SNX29: variants seen among roughly 807,000 people sequenced by gnomAD.
SNX29 encodes the protein sorting nexin-29.
SNX29 carries 78 observed loss-of-function variants against 102.1 expected under a neutral mutation model. The ratio of observed to expected loss-of-function variants is 0.76; its 90% CI spans 0.64 to 0.92. SNX29 has a LOEUF of 0.92. Ranked by LOEUF, SNX29 falls within the 40% of genes least tolerant of loss-of-function variation. SNX29 has a pLI of 0.00. For missense variants in SNX29, 1,280 were observed against 1,061.7 expected, an observed-to-expected ratio of 1.21 and a Z score of -2.86; for synonymous variants, 580 against 414.5, an observed-to-expected ratio of 1.40 and a Z score of -4.85.
chr16:12,561,806 C>G (rs898712057), intron 20 of SNX29, among the ~76,000 whole-genome samples: 1 of 152,158 alleles, frequency 6.6e-6, no homozygotes, highest in African/African-American at 2.4e-5. Flanking sequence ...GCAGGGGGCT[C>G]ATTACCGCAG....
At chr16:12,533,815 C>A (rs910166807) in intron 20 of SNX29, among the ~76,000 whole-genome samples, 1 of 152,188 alleles carries the variant, frequency 6.6e-6, no homozygotes, top group East Asian at 1.9e-4. Flanking sequence ...CAAAAGGGAT[C>A]AGCCACTCCT....
chr16:12,150,197 G>A (rs139856296), intron 13 of SNX29, among the ~76,000 whole-genome samples: 13 of 152,174 alleles, frequency 8.5e-5, no homozygotes, highest in South Asian at 2.1e-4. Flanking sequence ...GCATTGTGGA[G>A]AAGTGGATAG....
In SNX29 at chr16:12,572,314, A is replaced by G. The variant is rs1026597512; in HGVS notation, c.*3685A>G. The stretch of plus-strand genomic sequence containing the variant: ...GGCCAGTGATCACAATCCAGGTTGG[A>G]AACAGGAGTGAAGCCCACCAGCCTG... On this transcript the variant is annotated 3_prime_UTR_variant, in exon 21 of 21. Coordinates refer to ENST00000566228, the MANE Select transcript of SNX29 (RefSeq NM_032167.5). The G allele has an allele frequency of 1.9e-6, 2 of 1,062,450 alleles. No individual in the cohort carries two copies. The highest frequency in any genetic ancestry group is 1.1e-6 in the Non-Finnish European group (1 of 877,584). The allele number at this position is 1,062,450 out of a possible 1,614,324, so 65.8% of individuals were successfully genotyped here.
rs914280673 is a variant in SNX29, at chr16:12,553,463, G to A, written c.2319-15043G>A. Among the ~76,000 whole-genome samples, 13 of 152,292 alleles carry A rather than the reference G, an allele frequency of 8.5e-5. No individual in the cohort carries two copies. The South Asian group carries it at 2.3e-3, about 27-fold the overall frequency. On this transcript the variant is annotated intron_variant, in intron 20 of 20. Transcript: ENST00000566228. Reference sequence around the variant, plus strand: ...GCTGAGCATGGTGTAGACCAGCTCAGACCAGCCCCAGCTGCTTAGACCAGG... The same window carrying A: ...GCTGAGCATGGTGTAGACCAGCTCAAACCAGCCCCAGCTGCTTAGACCAGG...
intron 20 of SNX29, among the ~76,000 whole-genome samples, chr16:12,542,020 C>G (rs552846826): frequency 5.3e-5 from 8 of 151,930 alleles, no homozygotes; most frequent in African/African-American, 7.3e-5. Context: ...CAGCACCGCT[C>G]TGTTTTTTCT....
chr16:12,002,967 T>C (rs1417835284), intron 2 of SNX29, 24 bp from the exon 3 acceptor site: 3 of 1,614,164 alleles, frequency 1.9e-6, no homozygotes, highest in Non-Finnish European at 2.5e-6. Context: ...ACAGCTGATC[T>C]CAGCAGCTTC....
At chr16:12,323,013 C>T (rs369369439) in intron 15 of SNX29, among the ~76,000 whole-genome samples, 7 of 51,756 alleles carry the variant, frequency 1.4e-4, no homozygotes, top group African/African-American at 1.2e-3. Context: ...TGTCAGGATG[C>T]GGTCACTGGA....
chr16:12,013,488 G>GGAAAAAAA (rs781538940), intron 3 of SNX29, among the ~76,000 whole-genome samples: 6 of 12,976 alleles, frequency 4.6e-4, no homozygotes, highest in African/African-American at 7.7e-4. Flanking sequence ...TCTACTGGGG[G>GGAAAAAAA]AAAAAAAAAA....
rs913525669 is a variant in SNX29 at position 12,536,230 on chromosome 16, GTTT to G, written c.2318+11394_2318+11396del. ...TTGCTGAGTAAGAACAGGATTTCATGTTTTTTTCTTTTTTATGCATGAGAACTT... is the reference window on the plus strand; with the variant it reads ...TTGCTGAGTAAGAACAGGATTTCATGTTTTCTTTTTTATGCATGAGAACTT... On this transcript the variant is annotated intron_variant, in intron 20 of 20. Transcript: ENST00000566228. Among the ~76,000 whole-genome samples the G allele has an allele frequency of 6.6e-5, 10 of 152,076 alleles. No individual in the cohort carries two copies. The East Asian group carries it at 7.7e-4, about 12-fold the overall frequency.
At chr16:12,267,447 T>C (rs561658595) in intron 14 of SNX29, among the ~76,000 whole-genome samples, 84 of 152,318 alleles carry the variant, frequency 5.5e-4, no homozygotes, top group African/African-American at 2.0e-3. Flanking sequence ...TGCCGTGGTG[T>C]TTGAATTCTC....
chr16:12,184,716 C>G (rs903065829), intron 13 of SNX29, among the ~76,000 whole-genome samples: 2 of 152,202 alleles, frequency 1.3e-5, no homozygotes, highest in Non-Finnish European at 2.9e-5. Flanking sequence ...AGAACAGACA[C>G]TCCCTAGAAA....
At chr16:12,180,799 A>G (rs537148839) in intron 13 of SNX29, among the ~76,000 whole-genome samples, 88 of 152,118 alleles carry the variant, frequency 5.8e-4, no homozygotes, top group African/African-American at 2.0e-3. Context: ...GCTTCTCTTT[A>G]TGTGTAGTTA....
At chr16:12,450,904 GTGCC>G (rs1304444591) in intron 18 of SNX29, among the ~76,000 whole-genome samples, 1 of 152,144 alleles carries the variant, frequency 6.6e-6, no homozygotes, top group African/African-American at 2.4e-5. Context: ...GGAGGTAGAA[GTGCC>G]TGGACTTGAT....
chr16:12,326,111 T>C (rs1252220730), intron 15 of SNX29, among the ~76,000 whole-genome samples: 2 of 151,750 alleles, frequency 1.3e-5, no homozygotes, highest in African/African-American at 4.8e-5. Flanking sequence ...CTGCAACCTC[T>C]GCCTCCCGGG....
intron 16 of SNX29, among the ~76,000 whole-genome samples, chr16:12,390,365 C>T (rs915497134): frequency 2.0e-5 from 3 of 152,138 alleles, no homozygotes; most frequent in African/African-American, 7.2e-5. Context: ...ATGCTTCAGG[C>T]TCCTCCCAGA....
intron 3 of SNX29, among the ~76,000 whole-genome samples, chr16:12,013,482 C>A (rs188871826): frequency 4.1e-5 from 1 of 24,510 alleles, no homozygotes; most frequent in Non-Finnish European, 8.7e-5. Flanking sequence ...CCTGTCTCTA[C>A]TGGGGGAAAA....
chr16:12,120,689 C>G (rs1281293731), intron 11 of SNX29, among the ~76,000 whole-genome samples: 2 of 152,180 alleles, frequency 1.3e-5, no homozygotes, highest in African/African-American at 4.8e-5. Flanking sequence ...GTTTGGGTCC[C>G]TGGGGACTGG....
At chr16:12,551,566 C>T (rs889153209) in intron 20 of SNX29, among the ~76,000 whole-genome samples, 1 of 152,170 alleles carries the variant, frequency 6.6e-6, no homozygotes, top group African/African-American at 2.4e-5. Flanking sequence ...AGTTGAGAAG[C>T]CCTGCTTTCA....
intron 3 of SNX29, among the ~76,000 whole-genome samples, chr16:12,014,615 C>G (rs1423320649): frequency 1.3e-5 from 2 of 151,182 alleles, no homozygotes; most frequent in Non-Finnish European, 2.9e-5. Flanking sequence ...GCCTGTAATC[C>G]TAGCTTCTCA....
Sources: gnomAD v4.1 joint callset for allele counts (sites outside exome capture counted in the v4.1 genomes callset) on GRCh38, gnomAD v4.1.1 for gene constraint, MANE v1.5 for transcripts, NCBI Gene and HGNC (gene_info 2026-07-23, HGNC 2026-07-21) for gene names.